Variants in POU6F1 observed in about 807,000 individuals in gnomAD.
The protein encoded by POU6F1 is POU class 6 homeobox 1, also known as POU domain, class 6, transcription factor 1.
A neutral mutation model predicts 28.9 loss-of-function variants in POU6F1; 9 were observed. The ratio of observed to expected loss-of-function variants is 0.31; its 90% CI spans 0.19 to 0.54. The LOEUF (loss-of-function observed/expected upper bound fraction) is 0.54. Ranked by LOEUF, POU6F1 falls within the 20% of genes least tolerant of loss-of-function variation. The pLI is 0.94. For synonymous variants in POU6F1, 173 were observed against 171.1 expected (o/e 1.01, Z -0.09); for missense variants, 338 against 426.1 (o/e 0.79, Z 1.82).
At chr12:51,212,078 T>G (rs1434756910) in intron 1 of POU6F1, among the ~76,000 whole-genome samples, 1 of 147,984 alleles carries the variant, frequency 6.8e-6, no homozygotes, top group African/African-American at 2.6e-5. Context: ...TTTTTTGTTT[T>G]TTTTGTTTTG....
chr12:51,190,104 G>A lies in POU6F1; in HGVS notation c.*143C>T. On this transcript the variant is annotated 3_prime_UTR_variant, in exon 11 of 11. Coordinates refer to ENST00000333640, the MANE Select transcript of POU6F1 (RefSeq NM_001330422.2). This position sits in a 1 kb window ranked among gnomAD's most constrained non-coding sequence, Gnocchi z 4.5. ...TGTGGGAGAAAAGAGGGACATTGAT[G>A]CACATGCACACGGTGGAGTCTGATG... The A allele has an allele frequency of 7.4e-7, 1 of 1,356,346 alleles. No individual in the cohort carries two copies. The allele number at this position is 1,356,346 out of a possible 1,614,324, so 84.0% of individuals were successfully genotyped here.
At chr12:51,195,030 C>CCTTGCTGATGCA (rs1204710847) in intron 8 of POU6F1, among the ~76,000 whole-genome samples, 2 of 152,210 alleles carry the variant, frequency 1.3e-5, no homozygotes, top group Non-Finnish European at 2.9e-5. Flanking sequence ...AGCAAGGCCT[C>CCTTGCTGATGCA]CAGGGGATTC....
intron 6 of POU6F1, 96 bp downstream of exon 6, chr12:51,197,674 G>C (rs895283579): frequency 3.8e-5 from 15 of 398,640 alleles, no homozygotes; most frequent in Non-Finnish European, 5.7e-5. Context: ...CTGTTTTCGG[G>C]GGGGGCTCGT....
intron 1 of POU6F1, among the ~76,000 whole-genome samples, chr12:51,216,909 G>A (rs1005916499): frequency 6.6e-6 from 1 of 152,210 alleles, no homozygotes; most frequent in African/African-American, 2.4e-5. Context: ...TGCCGCGAAA[G>A]TGGAGGTTAG....
intron 2 of POU6F1, 124 bp from the exon 3 acceptor site, chr12:51,204,492 G>T (rs1358196204): frequency 1.3e-5 from 5 of 397,060 alleles, no homozygotes; most frequent in Non-Finnish European, 2.2e-5. Context: ...CTGTCCAGAG[G>T]GCTGTGTGCT....
At chr12:51,212,162 C>T (rs956901860) in intron 1 of POU6F1, among the ~76,000 whole-genome samples, 4 of 151,818 alleles carry the variant, frequency 2.6e-5, no homozygotes, top group African/African-American at 9.7e-5. Flanking sequence ...GGCACAATCT[C>T]GGCTCACCGC....
At chr12:51,201,689 A>T (rs1316130016) in intron 3 of POU6F1, 1 of 152,164 alleles carries the variant, frequency 6.6e-6, no homozygotes, top group African/African-American at 2.4e-5. Flanking sequence ...CCCTCTAAAG[A>T]AGCAAAATAT....
At chr12:51,204,670 T>TG (rs1401450540) in intron 2 of POU6F1, among the ~76,000 whole-genome samples, 1 of 152,182 alleles carries the variant, frequency 6.6e-6, no homozygotes, top group Non-Finnish European at 1.5e-5. Flanking sequence ...TTCCATCTCT[T>TG]GGACTCAGTG....
intron 1 of POU6F1, among the ~76,000 whole-genome samples, chr12:51,210,647 C>G (rs1165515961): frequency 1.3e-5 from 2 of 152,162 alleles, no homozygotes; most frequent in African/African-American, 4.8e-5. Flanking sequence ...ATCCCTTTCA[C>G]CCTTAAAATT....
chr12:51,213,360 C>G (rs1235590213), intron 1 of POU6F1, among the ~76,000 whole-genome samples: 1 of 152,122 alleles, frequency 6.6e-6, no homozygotes, highest in African/African-American at 2.4e-5. Context: ...GACTTTTAAA[C>G]TCAGATCCAT....
At chr12:51,195,814 T>C (rs546540395) in intron 8 of POU6F1, among the ~76,000 whole-genome samples, 156 bp downstream of exon 8, 3 of 152,256 alleles carry the variant, frequency 2.0e-5, no homozygotes, top group East Asian at 3.9e-4. Flanking sequence ...TGTGGACACA[T>C]GTGGGCCTTC....
At chr12:51,216,185 C>T (rs1446174575) in intron 1 of POU6F1, among the ~76,000 whole-genome samples, 2 of 151,856 alleles carry the variant, frequency 1.3e-5, no homozygotes, top group Non-Finnish European at 2.9e-5. Context: ...TAGACTCTGT[C>T]TCAAAAAAAA....
Position 51,207,180 on chromosome 12 carries a change from C to T in POU6F1, c.-47-297G>A, listed in dbSNP as rs190716787. 581 of 170,602 alleles carry T rather than the reference C, an allele frequency of 3.4e-3. 4 individuals carry two copies. Among genetic ancestry groups the T allele is most frequent in the African/African-American group, 0.013 (558 of 42,306 alleles). 10.6% of individuals were successfully genotyped at this position (170,602 alleles called of 1,614,324 possible). A position where few individuals can be genotyped will look rare whatever the true frequency, so the allele number is the denominator to read the frequency against. On this transcript the variant is annotated intron_variant, in intron 1 of 10. Transcript: ENST00000333640. The stretch of plus-strand genomic sequence containing the variant: ...CTGGGATTACAGGCATGTGCCACCA[C>T]GCCAGGCTAATTTTTGTATTTTTAG...
At position 51,190,049 on chromosome 12, in the gene POU6F1, C is replaced by T. The variant is rs1039892598; in HGVS notation, c.*198G>A. On this transcript the variant is annotated 3_prime_UTR_variant, in exon 11 of 11. Coordinates refer to ENST00000333640, the MANE Select transcript of POU6F1 (RefSeq NM_001330422.2). This position sits in a 1 kb window ranked among gnomAD's most constrained non-coding sequence, Gnocchi z 4.5. ...CCCAGAGCCTGGAGCTCTCGTGTGG[C>T]CCCCTCTGGCCTCCCCATGATGTGA... The T allele has an allele frequency of 4.0e-6, 4 of 1,010,046 alleles. No homozygotes were observed. Among genetic ancestry groups the T allele is most frequent in the East Asian group, 2.7e-5 (1 of 36,962 alleles). 62.6% of individuals were successfully genotyped at this position (1,010,046 alleles called of 1,614,324 possible).
At chr12:51,194,050 G>A (rs755596149) in intron 8 of POU6F1, among the ~76,000 whole-genome samples, 3 of 151,704 alleles carry the variant, frequency 2.0e-5, no homozygotes, top group Non-Finnish European at 4.4e-5. Flanking sequence ...TTTTTGAGAC[G>A]GAGTCTCACT....
At position 51,189,459 on chromosome 12, in the gene POU6F1, C is replaced by G. The variant is rs768454591; in HGVS notation, c.*788G>C. ...ATTAAATTAAAATATGAAAGAACAG[C>G]CTTATTTTCTAAATTCCCAACCTTC... On this transcript the variant is annotated 3_prime_UTR_variant, in exon 11 of 11. Transcript: ENST00000333640. 6.6e-6 allele frequency: 1 copy of G among 152,150 alleles called. No homozygotes were observed. Among genetic ancestry groups the G allele is most frequent in the Non-Finnish European group, 1.5e-5 (1 of 68,038 alleles). The allele number at this position is 152,150 out of a possible 1,614,324, so 9.4% of individuals were successfully genotyped here.
At chr12:51,211,750 C>A (rs183237259) in intron 1 of POU6F1, among the ~76,000 whole-genome samples, 99 of 152,252 alleles carry the variant, frequency 6.5e-4, no homozygotes, top group Non-Finnish European at 1.2e-3. Flanking sequence ...AGAGCAAGAC[C>A]TTGTCCCTAA....
intron 1 of POU6F1, among the ~76,000 whole-genome samples, chr12:51,213,573 GC>G (rs914149511): frequency 3.3e-5 from 5 of 151,458 alleles, no homozygotes; most frequent in African/African-American, 1.2e-4. Context: ...TGCTCTTGTT[GC>G]CCAGGCTGGA....
At chr12:51,197,421 G>A (rs1037663396) in intron 6 of POU6F1, among the ~76,000 whole-genome samples, 2 of 152,172 alleles carry the variant, frequency 1.3e-5, no homozygotes, top group Admixed American at 1.3e-4. Flanking sequence ...CAAGCCAGGA[G>A]CTACACTGGA....
Sources: allele counts gnomAD v4.1 joint callset (sites outside exome capture counted in the v4.1 genomes callset), GRCh38; gene constraint gnomAD v4.1.1; non-coding constraint Gnocchi (gnomAD v3.1); transcripts MANE v1.5; gene names NCBI Gene and HGNC (gene_info 2026-07-23, HGNC 2026-07-21).